The following AZIN2 variants were observed in gnomAD, a reference collection of about 807,000 sequenced individuals.
AZIN2 encodes the protein ODC antizyme inhibitor-2.
AZIN2 carries 28 observed loss-of-function variants against 47.8 expected under a neutral mutation model. The ratio of observed to expected loss-of-function variants is 0.59; its 90% confidence interval spans 0.43 to 0.80. The LOEUF is 0.80. Among genes scored for constraint, AZIN2 ranks in the 30% least tolerant of loss-of-function variants. The probability of loss-of-function intolerance (pLI) is 0.00; values close to 1 mark genes in which losing one functional copy is unlikely to be tolerated. For missense variants in AZIN2, 535 were observed against 582.5 expected (o/e 0.92, Z 0.84); for synonymous variants, 221 against 239.4 (o/e 0.92, Z 0.71).
chr1:33,094,212 T>C (rs1223552063), intron 7 of AZIN2, among the ~76,000 whole-genome samples: 1 of 152,080 alleles, frequency 6.6e-6, no homozygotes, highest in Non-Finnish European at 1.5e-5. Context: ...GCATTATAGG[T>C]GGGGAAACTA....
chr1:33,165,825 G>A, the AZIN2 span: 2 of 326,518 alleles, frequency 6.1e-6, no homozygotes. The surrounding 1 kb of genome is among the most constrained non-coding windows in gnomAD (Gnocchi z 4.0). Context: ...TGTGACAATC[G>A]ACTTCCACAT....
At chr1:33,084,158 T>C (rs753413633) in intron 5 of AZIN2, 31 bp downstream of exon 5, 24 of 1,601,964 alleles carry the variant, frequency 1.5e-5, no homozygotes, top group Non-Finnish European at 1.9e-5. Context: ...GCACTGACCC[T>C]CCATGCCCAC....
At chr1:33,119,965 C>T in intron 11 of AZIN2, 79 bp from the exon 12 acceptor site, 1 of 1,589,798 alleles carries the variant, frequency 6.3e-7, no homozygotes, top group Non-Finnish European at 8.6e-7. Context: ...AGCCCTCTGC[C>T]CAATGGGGCT....
At chr1:33,114,652 CTTTTTTTTTTT>C (rs35317929) in intron 10 of AZIN2, among the ~76,000 whole-genome samples, 1 of 79,866 alleles carries the variant, frequency 1.3e-5, no homozygotes, top group African/African-American at 5.9e-5. Context: ...CGCGACCCGC[CTTTTTTTTTTT>C]TTTTTTTTTT....
intron 5 of AZIN2, 130 bp from the exon 6 acceptor site, chr1:33,091,920 C>T (rs1029576825): frequency 2.2e-6 from 2 of 924,670 alleles, no homozygotes; most frequent in African/African-American, 3.3e-5. Flanking sequence ...TATCTGTTGT[C>T]TTAGAGCAAG....
At position 33,101,081 on chromosome 1, in the gene AZIN2, C is replaced by T. The variant is rs148984604; in HGVS notation, c.1029+2902C>T. On this transcript the variant is annotated intron_variant, in intron 10 of 11. Coordinates refer to ENST00000294517, the MANE Select transcript of AZIN2 (RefSeq NM_052998.4). ...TTTGCCATGCTGGCCAGGCTGGTCT[C>T]AAACTCCTGACCTCAAGTGATCCAT... 1.2e-4 allele frequency among the ~76,000 whole-genome samples: 18 copies of T among 152,290 alleles called. No individual in the cohort carries two copies. The East Asian group carries it at 3.3e-3, about 28-fold the overall frequency.
chr1:33,101,548 T>C (rs1161555608), intron 10 of AZIN2, among the ~76,000 whole-genome samples: 1 of 151,534 alleles, frequency 6.6e-6, no homozygotes, highest in Non-Finnish European at 1.5e-5. Flanking sequence ...GAATAGCATC[T>C]CAATCAGCTT....
intron 10 of AZIN2, among the ~76,000 whole-genome samples, chr1:33,115,606 A>G (rs1321980961): frequency 3.0e-5 from 1 of 33,858 alleles, no homozygotes; most frequent in Non-Finnish European, 5.2e-5. Flanking sequence ...CGGGAGGCTG[A>G]GACAGGAGAA....
chr1:33,110,398 C>T (rs143647045), intron 10 of AZIN2, among the ~76,000 whole-genome samples: 59 of 152,152 alleles, frequency 3.9e-4, no homozygotes, highest in Non-Finnish European at 7.2e-4. Context: ...GAGGAAGAAC[C>T]GCAAAAGCAA....
At chr1:33,157,034 C>A in the AZIN2 span, among the ~76,000 whole-genome samples, 12 of 150,076 alleles carry the variant, frequency 8.0e-5, no homozygotes, top group African/African-American at 9.8e-5. Flanking sequence ...TCCTTCACCC[C>A]CTTCGGTCTA....
At chr1:33,165,333 T>A in the AZIN2 span, 1 of 709,006 alleles carries the variant, frequency 1.4e-6, no homozygotes. This position sits in a 1 kb window ranked among gnomAD's most constrained non-coding sequence, Gnocchi z 4.0. Flanking sequence ...CCTGCCCTTC[T>A]CACTCCAGGT....
chr1:33,148,204 A>G, the AZIN2 span, among the ~76,000 whole-genome samples: 1 of 152,190 alleles, frequency 6.6e-6, no homozygotes, highest in Non-Finnish European at 1.5e-5. Flanking sequence ...AGTTCTGCAA[A>G]GGGAAGTTCT....
At chr1:33,152,612 T>C in the AZIN2 span, among the ~76,000 whole-genome samples, 1 of 150,114 alleles carries the variant, frequency 6.7e-6, no homozygotes, top group Non-Finnish European at 1.5e-5. Context: ...CATCTGTCGA[T>C]TCATGATGAT....
intron 10 of AZIN2, among the ~76,000 whole-genome samples, chr1:33,114,763 T>G (rs893159944): frequency 6.6e-6 from 1 of 151,062 alleles, no homozygotes; most frequent in African/African-American, 2.4e-5. Flanking sequence ...TTCAAGCGAT[T>G]CTTCTGCCTC....
intron 6 of AZIN2, 36 bp from the exon 7 acceptor site, chr1:33,093,246 G>T (rs762184670): frequency 2.5e-6 from 4 of 1,611,506 alleles, no homozygotes; most frequent in East Asian, 2.2e-5. Context: ...GGGCGACAGG[G>T]TTTGTCCAGC....
chr1:33,087,445 A>T (rs111266099), intron 5 of AZIN2, among the ~76,000 whole-genome samples: 4,557 of 133,864 alleles, frequency 0.034, 168 homozygotes, highest in African/African-American at 0.093. Flanking sequence ...ATATATATAT[A>T]TTTTTTTTTG....
chr1:33,162,683 T>C, the AZIN2 span, among the ~76,000 whole-genome samples: 1 of 151,828 alleles, frequency 6.6e-6, no homozygotes, highest in East Asian at 2.0e-4. Flanking sequence ...CGAGAGAGGA[T>C]GGGAGGGAAA....
At position 33,120,119 on chromosome 1, in the gene AZIN2, CGGCTGGGAGATCACAGACACCCT is replaced by C. The variant is rs1644753684; in HGVS notation, c.1322_1344del (p.Gly441ValfsTer64). Reference sequence around the variant, plus strand: ...AGGGTGTGTGCAAGCCTCTGTCCTGCGGCTGGGAGATCACAGACACCCTGTGCGTGGGCCCTGTCTTCACCCCA... The same window carrying C: ...AGGGTGTGTGCAAGCCTCTGTCCTGCGTGCGTGGGCCCTGTCTTCACCCCA... On this transcript the variant is annotated frameshift_variant, in exon 12 of 12. Coordinates refer to ENST00000294517, the MANE Select transcript of AZIN2 (RefSeq NM_052998.4). LOFTEE classifies it high-confidence loss of function. The C allele has an allele frequency of 6.2e-7, 1 of 1,613,820 alleles. No individual in the cohort carries two copies. The highest frequency in any genetic ancestry group is 1.3e-5 in the African/African-American group (1 of 74,914).
At chr1:33,166,595 A>C in the AZIN2 span, among the ~76,000 whole-genome samples, 398 of 152,322 alleles carry the variant, frequency 2.6e-3, 1 homozygote, top group African/African-American at 9.2e-3. Context: ...AGATACAGAG[A>C]GGTCAAGAAA....
Sources: allele counts gnomAD v4.1 joint callset (sites outside exome capture counted in the v4.1 genomes callset), GRCh38; gene constraint gnomAD v4.1.1; non-coding constraint Gnocchi (gnomAD v3.1); transcripts MANE v1.5; gene names NCBI Gene and HGNC (gene_info 2026-07-23, HGNC 2026-07-21).